The following KMO variants were observed in gnomAD, a reference collection of about 807,000 sequenced individuals.
KMO encodes the protein kynurenine 3-hydroxylase.
KMO carries 24 observed loss-of-function variants against 57.8 expected under a neutral mutation model. The observed-to-expected ratio is 0.42, with a 90% confidence interval of 0.30 to 0.58. The LOEUF is 0.58. Ranked by LOEUF, KMO falls within the 20% of genes least tolerant of loss-of-function variation. The pLI is 0.22. For missense variants in KMO, 483 were observed against 588.2 expected (o/e 0.82, Z 1.85); for synonymous variants, 210 against 193.6 (o/e 1.08, Z -0.70).
chr1:241,558,187 CT>C (rs1661709626), intron 5 of KMO, among the ~76,000 whole-genome samples: 1 of 152,162 alleles, frequency 6.6e-6, no homozygotes, highest in Non-Finnish European at 1.5e-5. Flanking sequence ...TATAAAACAT[CT>C]GCTAATACTA....
intron 1 of KMO, among the ~76,000 whole-genome samples, chr1:241,547,954 C>A (rs1661210417): frequency 6.6e-6 from 1 of 151,992 alleles, no homozygotes; most frequent in African/African-American, 2.4e-5. Flanking sequence ...GACAGTAGGG[C>A]AGATAATCTG....
intron 4 of KMO, among the ~76,000 whole-genome samples, chr1:241,552,325 A>G (rs534751741): frequency 3.3e-5 from 5 of 152,274 alleles, no homozygotes; most frequent in African/African-American, 1.2e-4. Flanking sequence ...TCAATTCTTA[A>G]GAACTCAGTT....
At chr1:241,590,300 G>A (rs764481303) in intron 14 of KMO, 37 bp downstream of exon 14, 5 of 1,492,766 alleles carry the variant, frequency 3.3e-6, no homozygotes, top group Middle Eastern at 1.7e-4. Flanking sequence ...TTTTAATGTG[G>A]TGTTTTGAAA....
chr1:241,571,654 G>T (rs1662283659), intron 10 of KMO, among the ~76,000 whole-genome samples: 1 of 151,922 alleles, frequency 6.6e-6, no homozygotes, highest in Non-Finnish European at 1.5e-5. Context: ...CATAATGACT[G>T]ATTTTTAATG....
At position 241,560,952 on chromosome 1, in the gene KMO, T is replaced by C. The variant is rs986777773; in HGVS notation, c.449+200T>C. 2.6e-5 allele frequency among the ~76,000 whole-genome samples: 4 copies of C among 152,212 alleles called. No homozygotes were observed. The East Asian group carries it at 7.7e-4, about 29-fold the overall frequency. The stretch of plus-strand genomic sequence containing the variant: ...GAACACCAATGCCAATAATTCTTAA[T>C]TCTCACACTTGCTCACCTTCCTACT... On this transcript the variant is annotated intron_variant, in intron 6 of 14. Coordinates refer to ENST00000366559, the MANE Select transcript of KMO (RefSeq NM_003679.5).
chr1:241,579,635 C>T (rs1662674283), intron 10 of KMO, among the ~76,000 whole-genome samples: 1 of 152,136 alleles, frequency 6.6e-6, no homozygotes, highest in South Asian at 2.1e-4. Flanking sequence ...GAAGTCTACA[C>T]TCAAAACTGT....
In KMO at chr1:241,595,017, G is replaced by A. The variant is rs576679645; in HGVS notation, c.*2864G>A. On this transcript the variant is annotated 3_prime_UTR_variant, in exon 15 of 15. Coordinates refer to ENST00000366559, the MANE Select transcript of KMO (RefSeq NM_003679.5). ...CATTAAGTTAGTCCACAAATATTCA[G>A]TGGGCATCTACTAGGTGACAGCCAC... The A allele has an allele frequency of 2.8e-5, 6 of 213,622 alleles. No individual in the cohort carries two copies. The highest frequency in any genetic ancestry group is 1.4e-4 in the African/African-American group (6 of 43,584). 13.2% of individuals were successfully genotyped at this position (213,622 alleles called of 1,614,324 possible). A position where few individuals can be genotyped will look rare whatever the true frequency, so the allele number is the denominator to read the frequency against.
At chr1:241,554,337 T>G (rs1179136282) in intron 4 of KMO, among the ~76,000 whole-genome samples, 1 of 151,328 alleles carries the variant, frequency 6.6e-6, no homozygotes, top group East Asian at 2.0e-4. Flanking sequence ...CAGGCTGAAG[T>G]GCAGTAATGT....
chr1:241,582,379 A>C (rs1468637067), intron 10 of KMO, among the ~76,000 whole-genome samples: 2 of 152,106 alleles, frequency 1.3e-5, no homozygotes, highest in Admixed American at 6.6e-5. Flanking sequence ...CTCTCTATAT[A>C]TGTTCTCTTT....
intron 6 of KMO, among the ~76,000 whole-genome samples, chr1:241,560,957 A>C (rs879454971): frequency 3.3e-5 from 5 of 152,208 alleles, no homozygotes; most frequent in Non-Finnish European, 7.3e-5. Flanking sequence ...CTTAATTCTC[A>C]CACTTGCTCA....
At chr1:241,590,315 A>C in intron 14 of KMO, 52 bp downstream of exon 14, 1 of 1,346,178 alleles carries the variant, frequency 7.4e-7, no homozygotes, top group Non-Finnish European at 1.1e-6. Flanking sequence ...TTGAAATGTC[A>C]TAGTATTATG....
chr1:241,585,686 G>A (rs1041799299), intron 10 of KMO, among the ~76,000 whole-genome samples: 4 of 151,352 alleles, frequency 2.6e-5, no homozygotes, highest in Non-Finnish European at 5.9e-5. Context: ...GAACCTAACA[G>A]GTGGAGATTG....
At chr1:241,547,679 C>T (rs1240170762) in intron 1 of KMO, among the ~76,000 whole-genome samples, 1 of 152,010 alleles carries the variant, frequency 6.6e-6, no homozygotes, top group Non-Finnish European at 1.5e-5. Context: ...CACCCTCCCA[C>T]TCCACAATAA....
chr1:241,577,643 C>T (rs1573932547), intron 10 of KMO, among the ~76,000 whole-genome samples: 1 of 152,084 alleles, frequency 6.6e-6, no homozygotes, highest in Admixed American at 6.6e-5. Context: ...TTTTGAGGCT[C>T]ATCTCGTTTC....
At chr1:241,565,151 G>A (rs1383846062) in intron 8 of KMO, 93 bp downstream of exon 8, 10 of 758,526 alleles carry the variant, frequency 1.3e-5, no homozygotes, top group Non-Finnish European at 2.3e-5. Context: ...CTACCTAATT[G>A]ATCTCTTCAT....
chr1:241,588,943 C>T, intron 12 of KMO, 113 bp downstream of exon 12: 1 of 702,692 alleles, frequency 1.4e-6, no homozygotes, highest in Non-Finnish European at 2.4e-6. Flanking sequence ...TATAAGAATA[C>T]CTACAGATAA....
chr1:241,559,385 C>A (rs556426312), intron 5 of KMO, among the ~76,000 whole-genome samples: 1 of 151,948 alleles, frequency 6.6e-6, no homozygotes, highest in Non-Finnish European at 1.5e-5. Context: ...CCAGGAGTAA[C>A]GTTCTACAAA....
At chr1:241,573,556 G>A (rs1040075137) in intron 10 of KMO, among the ~76,000 whole-genome samples, 19 of 152,016 alleles carry the variant, frequency 1.2e-4, no homozygotes, top group African/African-American at 4.3e-4. Flanking sequence ...TTATGTTTTT[G>A]TATGCTTTAT....
At chr1:241,559,736 A>G (rs1268176306) in intron 5 of KMO, among the ~76,000 whole-genome samples, 1 of 152,168 alleles carries the variant, frequency 6.6e-6, no homozygotes, top group Non-Finnish European at 1.5e-5. Flanking sequence ...TTCAAATTCA[A>G]CATTCTTTTT....
Sources: gnomAD v4.1 joint callset for allele counts (sites outside exome capture counted in the v4.1 genomes callset) on GRCh38, gnomAD v4.1.1 for gene constraint, MANE v1.5 for transcripts, NCBI Gene and HGNC (gene_info 2026-07-23, HGNC 2026-07-21) for gene names.